The following MARCHF4 variants were observed in gnomAD, a reference collection of about 807,000 sequenced individuals.
MARCHF4 encodes the protein membrane associated ring-CH-type finger 4, also known as E3 ubiquitin-protein ligase MARCHF4.
In MARCHF4, 14 loss-of-function variants were observed where a neutral mutation model predicts 43.9. The ratio of observed to expected loss-of-function variants is 0.32; its 90% CI spans 0.21 to 0.50. The LOEUF (loss-of-function observed/expected upper bound fraction) is 0.50, where lower values mean the gene tolerates loss of function less well. Among genes scored for constraint, MARCHF4 ranks in the 20% least tolerant of loss-of-function variants. The pLI is 0.98. For missense variants in MARCHF4, 468 were observed against 536.7 expected (o/e 0.87, Z 1.27); for synonymous variants, 226 against 213.3 (o/e 1.06, Z -0.52).
intron 1 of MARCHF4, among the ~76,000 whole-genome samples, chr2:216,366,640 C>T (rs1692669955): frequency 6.6e-6 from 1 of 152,176 alleles, no homozygotes; most frequent in Non-Finnish European, 1.5e-5. Context: ...CCCTTCTCAT[C>T]ATTTAGGTGT....
chr2:216,360,024 A>G (rs1435791124), intron 1 of MARCHF4, among the ~76,000 whole-genome samples: 2 of 151,926 alleles, frequency 1.3e-5, no homozygotes, highest in Non-Finnish European at 2.9e-5. Context: ...TTGATTTCCT[A>G]CTAATACACG....
chr2:216,368,234 C>T (rs1049415163), intron 1 of MARCHF4, among the ~76,000 whole-genome samples: 1 of 152,172 alleles, frequency 6.6e-6, no homozygotes, highest in African/African-American at 2.4e-5. Context: ...TGGCAAGATC[C>T]TGATATCAAA....
At chr2:216,299,140 C>T (rs1354827303) in intron 1 of MARCHF4, among the ~76,000 whole-genome samples, 2 of 151,690 alleles carry the variant, frequency 1.3e-5, no homozygotes, top group East Asian at 3.9e-4. Context: ...TTTCTTTGCA[C>T]TGTAGGGAAG....
intron 1 of MARCHF4, among the ~76,000 whole-genome samples, chr2:216,323,368 T>G (rs1427154786): frequency 6.6e-6 from 1 of 152,126 alleles, no homozygotes; most frequent in Admixed American, 6.5e-5. Flanking sequence ...GAGATAATAA[T>G]AGTATCTACT....
Position 216,259,004 on chromosome 2 carries a change from C to T in MARCHF4, c.*308G>A, listed in dbSNP as rs755146894. The T allele has an allele frequency of 5.5e-5, 13 of 234,492 alleles. No individual in the cohort carries two copies. Among genetic ancestry groups the T allele is most frequent in the East Asian group, 8.3e-5 (1 of 12,100 alleles). The allele number at this position is 234,492 out of a possible 1,614,324, so 14.5% of individuals were successfully genotyped here. On this transcript the variant is annotated 3_prime_UTR_variant, in exon 4 of 4. Coordinates refer to ENST00000273067, the MANE Select transcript of MARCHF4 (RefSeq NM_020814.3). ...TGCCTGCCCTCAGCCTCTGCTTCTT[C>T]GGGTACCTTGCCTGCAGGTGCATTG...
At chr2:216,269,159 AC>A (rs1690894303) in intron 3 of MARCHF4, among the ~76,000 whole-genome samples, 2 of 152,228 alleles carry the variant, frequency 1.3e-5, no homozygotes, top group Admixed American at 6.5e-5. Context: ...CAAGTTAAAA[AC>A]AAACATGATG....
chr2:216,360,431 C>A (rs916087689), intron 1 of MARCHF4, among the ~76,000 whole-genome samples: 2 of 151,834 alleles, frequency 1.3e-5, no homozygotes, highest in Admixed American at 6.6e-5. Flanking sequence ...TATTATTCAG[C>A]GCTAAGAAGA....
At chr2:216,318,573 G>A (rs996574311) in intron 1 of MARCHF4, among the ~76,000 whole-genome samples, 1 of 152,180 alleles carries the variant, frequency 6.6e-6, no homozygotes, top group Non-Finnish European at 1.5e-5. Context: ...AAGGAAGTGA[G>A]GGAGTGAACT....
At chr2:216,348,078 C>T (rs1354780996) in intron 1 of MARCHF4, among the ~76,000 whole-genome samples, 1 of 145,888 alleles carries the variant, frequency 6.9e-6, no homozygotes, top group African/African-American at 2.6e-5. Flanking sequence ...GCTTTTGTTG[C>T]CCAGGCTGGA....
At chr2:216,354,423 C>T (rs1692450728) in intron 1 of MARCHF4, among the ~76,000 whole-genome samples, 1 of 152,216 alleles carries the variant, frequency 6.6e-6, no homozygotes, top group Non-Finnish European at 1.5e-5. Context: ...CTCCAGCTTT[C>T]CCAGGCATCA....
At chr2:216,272,944 CT>C (rs1690962405) in intron 3 of MARCHF4, among the ~76,000 whole-genome samples, 1 of 152,198 alleles carries the variant, frequency 6.6e-6, no homozygotes, top group Non-Finnish European at 1.5e-5. Flanking sequence ...AGGCAAAATC[CT>C]TTGGTAAGCA....
chr2:216,280,186 G>C (rs958026245), intron 2 of MARCHF4, among the ~76,000 whole-genome samples: 1 of 151,990 alleles, frequency 6.6e-6, no homozygotes, highest in African/African-American at 2.4e-5. Flanking sequence ...GAGTGAGCGA[G>C]CTCTGAAAAC....
intron 1 of MARCHF4, among the ~76,000 whole-genome samples, chr2:216,357,589 G>A (rs759297984): frequency 6.6e-6 from 1 of 152,234 alleles, no homozygotes; most frequent in South Asian, 2.1e-4. Context: ...CCAAAGGGCT[G>A]GGATTAAAGG....
At chr2:216,356,620 G>T (rs897740113) in intron 1 of MARCHF4, among the ~76,000 whole-genome samples, 4 of 152,096 alleles carry the variant, frequency 2.6e-5, no homozygotes, top group African/African-American at 9.7e-5. Context: ...TGCTCTTTTT[G>T]CTATACTGGT....
At chr2:216,328,991 T>A in intron 1 of MARCHF4, among the ~76,000 whole-genome samples, 1 of 152,000 alleles carries the variant, frequency 6.6e-6, no homozygotes, top group Non-Finnish European at 1.5e-5. Context: ...TGAGCTGAGA[T>A]TTTGCCTGAG....
At chr2:216,291,234 G>A (rs966296420) in intron 1 of MARCHF4, among the ~76,000 whole-genome samples, 3 of 152,288 alleles carry the variant, frequency 2.0e-5, no homozygotes, top group Admixed American at 2.0e-4. Context: ...CCAAGAAGAC[G>A]ACACTGTTTC....
chr2:216,293,912 C>T (rs549539223), intron 1 of MARCHF4, among the ~76,000 whole-genome samples: 1 of 108,246 alleles, frequency 9.2e-6, no homozygotes, highest in African/African-American at 2.6e-5. Flanking sequence ...ATAATCATAT[C>T]TGTATTTCTA....
chr2:216,285,891 C>G (rs1371257166), intron 1 of MARCHF4, among the ~76,000 whole-genome samples: 1 of 152,186 alleles, frequency 6.6e-6, no homozygotes, highest in Non-Finnish European at 1.5e-5. Flanking sequence ...AGGTAAGAGA[C>G]ATTACTTCTG....
chr2:216,354,905 TTCTTTCTTTC>T (rs1408425079), intron 1 of MARCHF4, among the ~76,000 whole-genome samples: 1 of 66,858 alleles, frequency 1.5e-5, no homozygotes, highest in African/African-American at 7.3e-5. Flanking sequence ...CTTTCTTTCT[TTCTTTCTTTC>T]TTTCTTTCTT....
Sources: gnomAD v4.1 joint callset for allele counts (sites outside exome capture counted in the v4.1 genomes callset) on GRCh38, gnomAD v4.1.1 for gene constraint, MANE v1.5 for transcripts, NCBI Gene and HGNC (gene_info 2026-07-23, HGNC 2026-07-21) for gene names.